Variants in AKAP6 observed in about 807,000 individuals in gnomAD.
The protein encoded by AKAP6 is A-kinase anchor protein 6.
AKAP6 carries 58 observed loss-of-function variants against 188.5 expected under a neutral mutation model. The ratio of observed to expected loss-of-function variants is 0.31; its 90% confidence interval spans 0.25 to 0.38. AKAP6 has a LOEUF of 0.38. Among genes scored for constraint, AKAP6 ranks in the 10% least tolerant of loss-of-function variants. AKAP6 has a pLI of 1.00. For missense variants in AKAP6, 2,710 were observed against 2,740.0 expected, an observed-to-expected ratio of 0.99 and a Z score of 0.24; for synonymous variants, 989 against 998.6, an observed-to-expected ratio of 0.99 and a Z score of 0.18.
chr14:32,813,775 G>T (rs139281404), intron 12 of AKAP6, among the ~76,000 whole-genome samples: 48 of 152,006 alleles, frequency 3.2e-4, no homozygotes, highest in Non-Finnish European at 1.8e-4. Flanking sequence ...TTTCTTCTCG[G>T]AATTCCTTCC....
intron 7 of AKAP6, among the ~76,000 whole-genome samples, chr14:32,633,893 C>G (rs1485171566): frequency 6.6e-6 from 1 of 152,044 alleles, no homozygotes; most frequent in South Asian, 2.1e-4. Flanking sequence ...CCTCCAATAT[C>G]GTTCGTGTCA....
At chr14:32,783,497 T>TA (rs1211088688) in intron 12 of AKAP6, among the ~76,000 whole-genome samples, 3 of 151,810 alleles carry the variant, frequency 2.0e-5, no homozygotes, top group Non-Finnish European at 2.9e-5. Flanking sequence ...TAAAGCTGTT[T>TA]AAAAAAAACA....
intron 1 of AKAP6, among the ~76,000 whole-genome samples, chr14:32,332,373 G>A (rs1886560418): frequency 1.3e-5 from 2 of 151,786 alleles, no homozygotes; most frequent in South Asian, 2.1e-4. Context: ...AATGTCATTT[G>A]CAACACTAAG....
chr14:32,439,410 G>A (rs994688450), intron 2 of AKAP6, among the ~76,000 whole-genome samples: 6 of 152,206 alleles, frequency 3.9e-5, no homozygotes, highest in Admixed American at 6.5e-5. Context: ...GGGATGGTGA[G>A]TTGTGGTACA....
At chr14:32,540,279 A>G (rs1882890048) in intron 3 of AKAP6, among the ~76,000 whole-genome samples, 1 of 150,238 alleles carries the variant, frequency 6.7e-6, no homozygotes, top group African/African-American at 2.5e-5. Context: ...GCTCACTGCA[A>G]CTTCTGCCTC....
intron 7 of AKAP6, among the ~76,000 whole-genome samples, chr14:32,634,162 G>A (rs1887392610): frequency 1.3e-5 from 2 of 152,030 alleles, no homozygotes; most frequent in South Asian, 4.1e-4. Context: ...GTGCCAACTA[G>A]CTGGGTAACC....
chr14:32,477,768 G>T (rs965381119), intron 2 of AKAP6, among the ~76,000 whole-genome samples: 3 of 152,182 alleles, frequency 2.0e-5, no homozygotes, highest in African/African-American at 7.2e-5. Flanking sequence ...GAGGTTAAGA[G>T]AGTTGATTCT....
chr14:32,497,044 C>T (rs555333306), intron 2 of AKAP6, among the ~76,000 whole-genome samples: 2 of 152,212 alleles, frequency 1.3e-5, no homozygotes, highest in East Asian at 1.9e-4. Flanking sequence ...GATCCGGAGA[C>T]CGTGGGCATA....
chr14:32,494,489 G>A (rs570557007), intron 2 of AKAP6: 1 of 152,248 alleles, frequency 6.6e-6, no homozygotes, highest in South Asian at 2.1e-4. Flanking sequence ...GAGGTAGCAT[G>A]CTTTAGTAGC....
intron 11 of AKAP6, among the ~76,000 whole-genome samples, chr14:32,736,359 A>G (rs947392379): frequency 2.0e-4 from 30 of 152,218 alleles, no homozygotes; most frequent in African/African-American, 6.8e-4. Flanking sequence ...AATAATGTAA[A>G]ACAAGTTCAC....
At chr14:32,393,284 A>G (rs1244096590) in intron 1 of AKAP6, among the ~76,000 whole-genome samples, 1 of 152,192 alleles carries the variant, frequency 6.6e-6, no homozygotes, top group Non-Finnish European at 1.5e-5. Flanking sequence ...CCAAAAATGT[A>G]TAACCTGATT....
At chr14:32,668,497 G>A (rs2139601879) in intron 7 of AKAP6, among the ~76,000 whole-genome samples, 1 of 152,132 alleles carries the variant, frequency 6.6e-6, no homozygotes, top group African/African-American at 2.4e-5. Context: ...GTGTTTAAAT[G>A]TTTACCATTT....
chr14:32,695,549 A>G (rs912275097), intron 8 of AKAP6, among the ~76,000 whole-genome samples: 9 of 152,214 alleles, frequency 5.9e-5, no homozygotes, highest in African/African-American at 2.2e-4. Flanking sequence ...TATCTGTAGA[A>G]TATCTAGTAG....
intron 1 of AKAP6, among the ~76,000 whole-genome samples, chr14:32,424,617 T>C (rs1327675172): frequency 6.6e-6 from 1 of 152,074 alleles, no homozygotes; most frequent in Non-Finnish European, 1.5e-5. Flanking sequence ...AAGCCTAGTA[T>C]CCATTAGTTA....
intron 2 of AKAP6, among the ~76,000 whole-genome samples, chr14:32,465,226 T>G (rs370221331): frequency 1.8e-4 from 27 of 152,140 alleles, no homozygotes; most frequent in African/African-American, 5.6e-4. Flanking sequence ...TTTGCAGAAT[T>G]AGAAAAAACT....
intron 5 of AKAP6, among the ~76,000 whole-genome samples, chr14:32,591,208 C>T (rs947995453): frequency 6.6e-6 from 1 of 152,174 alleles, no homozygotes; most frequent in Non-Finnish European, 1.5e-5. Flanking sequence ...CCTTTTCAAT[C>T]AGGGCCTCTG....
chr14:32,670,106 A>AAAG (rs1555350727), intron 7 of AKAP6, among the ~76,000 whole-genome samples: 5 of 149,974 alleles, frequency 3.3e-5, no homozygotes, highest in Admixed American at 1.3e-4. Context: ...CAAAAAAAAA[A>AAAG]AAAAAAAGCC....
chr14:32,619,601 A>G (rs2139413844), intron 7 of AKAP6, among the ~76,000 whole-genome samples: 1 of 152,260 alleles, frequency 6.6e-6, no homozygotes, highest in Middle Eastern at 3.4e-3. Context: ...GAAGTCACAT[A>G]ATGTGATGTC....
intron 2 of AKAP6, among the ~76,000 whole-genome samples, chr14:32,441,213 CT>C (rs1890566381): frequency 6.6e-6 from 1 of 152,152 alleles, no homozygotes; most frequent in South Asian, 2.1e-4. Context: ...AGGGTGTCTT[CT>C]TAGGGAAGTT....
Sources: gnomAD v4.1 joint callset for allele counts (sites outside exome capture counted in the v4.1 genomes callset) on GRCh38, gnomAD v4.1.1 for gene constraint, MANE v1.5 for transcripts, NCBI Gene and HGNC (gene_info 2026-07-23, HGNC 2026-07-21) for gene names.